SEC22A: variants seen among roughly 807,000 people sequenced by gnomAD.
SEC22A encodes the protein SEC22 homolog A, vesicle trafficking protein, also known as vesicle-trafficking protein SEC22a.
SEC22A carries 22 observed loss-of-function variants against 35.3 expected under a neutral mutation model. The observed-to-expected ratio is 0.62, with a 90% CI of 0.45 to 0.89. SEC22A has a LOEUF of 0.89. Ranked by LOEUF, SEC22A falls within the 40% of genes least tolerant of loss-of-function variation. The probability of loss-of-function intolerance (pLI) is 0.00; values close to 1 mark genes in which losing one functional copy is unlikely to be tolerated. For synonymous variants in SEC22A, 119 were observed against 129.5 expected, an observed-to-expected ratio of 0.92 and a Z score of 0.55; for missense variants, 354 against 362.5, an observed-to-expected ratio of 0.98 and a Z score of 0.19.
At chr3:123,211,718 A>G (rs1342472077) in intron 2 of SEC22A, among the ~76,000 whole-genome samples, 2 of 152,050 alleles carry the variant, frequency 1.3e-5, no homozygotes, top group Admixed American at 1.3e-4. Context: ...TTGGCCTCCC[A>G]AAGTACTGGG....
intron 5 of SEC22A, among the ~76,000 whole-genome samples, chr3:123,253,557 C>A (rs892606323): frequency 5.9e-5 from 9 of 151,932 alleles, no homozygotes; most frequent in African/African-American, 2.2e-4. Context: ...ACTAAAAATA[C>A]AAAAATTAAC....
At chr3:123,266,875 A>G (rs1266018225) in intron 6 of SEC22A, among the ~76,000 whole-genome samples, 2 of 152,142 alleles carry the variant, frequency 1.3e-5, no homozygotes, top group Non-Finnish European at 2.9e-5. Context: ...GTATTGGATT[A>G]TAGATTTTTC....
At chr3:123,243,659 C>G (rs986061364) in intron 4 of SEC22A, among the ~76,000 whole-genome samples, 6 of 152,168 alleles carry the variant, frequency 3.9e-5, no homozygotes, top group African/African-American at 1.4e-4. Context: ...GCCTTGAGGG[C>G]AGAATATGTA....
intron 6 of SEC22A, among the ~76,000 whole-genome samples, chr3:123,270,781 C>T (rs1047144076): frequency 6.6e-6 from 1 of 152,220 alleles, no homozygotes; most frequent in South Asian, 2.1e-4. Flanking sequence ...ACTTTCTTGA[C>T]CGTTTCATCT....
chr3:123,257,532 T>A (rs1937760320), intron 5 of SEC22A, among the ~76,000 whole-genome samples: 1 of 151,960 alleles, frequency 6.6e-6, no homozygotes, highest in African/African-American at 2.4e-5. Flanking sequence ...CTCCACTCTC[T>A]ACTAAAAAGT....
chr3:123,203,002 T>G (rs918068012), intron 1 of SEC22A, among the ~76,000 whole-genome samples: 1 of 146,414 alleles, frequency 6.8e-6, no homozygotes, highest in Non-Finnish European at 1.5e-5. Flanking sequence ...CCTAAAGTAA[T>G]GGGACATTCG....
chr3:123,238,096 G>A (rs144727721), intron 4 of SEC22A, among the ~76,000 whole-genome samples: 94 of 152,300 alleles, frequency 6.2e-4, no homozygotes, highest in African/African-American at 2.1e-3. Context: ...TGAGGCTGCA[G>A]TGAGCCTTGA....
At chr3:123,202,852 A>G (rs1274572860) in intron 1 of SEC22A, among the ~76,000 whole-genome samples, 2 of 152,046 alleles carry the variant, frequency 1.3e-5, no homozygotes, top group Non-Finnish European at 2.9e-5. Context: ...CACTTTTCAA[A>G]CTCTGAATCA....
intron 4 of SEC22A, 35 bp from the exon 5 acceptor site, chr3:123,245,864 G>T (rs1251287997): frequency 3.4e-6 from 4 of 1,159,500 alleles, no homozygotes; most frequent in Middle Eastern, 3.9e-4. Flanking sequence ...GTGAGGTATT[G>T]GTGTTCATTT....
intron 6 of SEC22A, among the ~76,000 whole-genome samples, chr3:123,261,092 C>T (rs1049972792): frequency 3.3e-5 from 5 of 151,932 alleles, no homozygotes; most frequent in Non-Finnish European, 5.9e-5. Flanking sequence ...ACCTCGGCCT[C>T]CCAAAGTGCT....
At chr3:123,267,068 C>T (rs1366986661) in intron 6 of SEC22A, among the ~76,000 whole-genome samples, 4 of 151,994 alleles carry the variant, frequency 2.6e-5, no homozygotes. Context: ...ATCAATATAG[C>T]CACTTTTGCT....
chr3:123,215,099 C>G (rs903925269), intron 2 of SEC22A, among the ~76,000 whole-genome samples: 2 of 152,212 alleles, frequency 1.3e-5, no homozygotes, highest in African/African-American at 4.8e-5. Flanking sequence ...TTGCCAGGTA[C>G]TTTACTGACA....
chr3:123,239,076 C>T (rs1050255630), intron 4 of SEC22A, among the ~76,000 whole-genome samples: 1 of 152,038 alleles, frequency 6.6e-6, no homozygotes, highest in Non-Finnish European at 1.5e-5. Flanking sequence ...GGGAGATTTA[C>T]GTATATTAAA....
intron 4 of SEC22A, among the ~76,000 whole-genome samples, chr3:123,241,002 T>TACACACACACACACACACACACACAC (rs35775511): frequency 7.0e-6 from 1 of 142,578 alleles, no homozygotes; most frequent in East Asian, 2.2e-4. Context: ...CTCTCTTTCT[T>TACACACACACACACACACACACACAC]ACACACACAC....
chr3:123,259,067 T>A (rs1937815843), intron 5 of SEC22A, among the ~76,000 whole-genome samples: 1 of 152,206 alleles, frequency 6.6e-6, no homozygotes, highest in African/African-American at 2.4e-5. Context: ...TCACAGTTTT[T>A]AAAAAAATCA....
chr3:123,243,532 G>C (rs2108074614), intron 4 of SEC22A, among the ~76,000 whole-genome samples: 1 of 152,112 alleles, frequency 6.6e-6, no homozygotes, highest in Middle Eastern at 3.4e-3. Flanking sequence ...CCTGGTTCTA[G>C]ACCACCCTCC....
At chr3:123,225,060 T>C (rs760115639) in intron 3 of SEC22A, 43 bp from the exon 4 acceptor site, 5 of 1,264,048 alleles carry the variant, frequency 4.0e-6, no homozygotes, top group Non-Finnish European at 4.5e-6. Context: ...AAATGATTAA[T>C]TGACAAGTGA....
At chr3:123,240,874 GTTTC>G (rs1201746831) in intron 4 of SEC22A, among the ~76,000 whole-genome samples, 1 of 151,892 alleles carries the variant, frequency 6.6e-6, no homozygotes, top group Non-Finnish European at 1.5e-5. Context: ...ACTTCTGTCA[GTTTC>G]TTTGACACTT....
Position 123,223,695 on chromosome 3 carries a change from G to A in SEC22A, c.319G>A (p.Val107Ile). The A allele has an allele frequency of 6.2e-7, 1 of 1,613,246 alleles. No homozygotes were observed. The highest frequency in any genetic ancestry group is 1.7e-4 in the Middle Eastern group (1 of 6,058). The part of the protein sequence containing the change: ...TYNMMKTNTA[V>I]RPYCFIEFDN... ...TAACATGATGAAGACAAATACTGCTGTCAGACCATACTGTTTCATTGAATT... is the reference window on the plus strand; with the variant it reads ...TAACATGATGAAGACAAATACTGCTATCAGACCATACTGTTTCATTGAATT... The change falls in exon 3 of 7, where the codon GTC becomes ATC. Residue 107 changes from valine to isoleucine, a missense_variant. Coordinates refer to ENST00000492595, the MANE Select transcript of SEC22A (RefSeq NM_012430.5).
Sources: gnomAD v4.1 joint callset for allele counts (sites outside exome capture counted in the v4.1 genomes callset) on GRCh38, gnomAD v4.1.1 for gene constraint, MANE v1.5 for transcripts, NCBI Gene and HGNC (gene_info 2026-07-23, HGNC 2026-07-21) for gene names.